The following FBXW10 variants were observed in gnomAD, a reference collection of about 807,000 sequenced individuals.
FBXW10 encodes the protein F-box/WD repeat-containing protein 10.
A neutral mutation model predicts 113.1 loss-of-function variants in FBXW10; 68 were observed. The observed-to-expected ratio is 0.60, with a 90% CI of 0.49 to 0.74. The LOEUF is 0.74. Among genes scored for constraint, FBXW10 ranks in the 30% least tolerant of loss-of-function variants. The probability of loss-of-function intolerance (pLI) is 0.00; values close to 1 mark genes in which losing one functional copy is unlikely to be tolerated. For synonymous variants in FBXW10, 289 were observed against 481.6 expected, an observed-to-expected ratio of 0.60 and a Z score of 5.24; for missense variants, 753 against 1,284.5, an observed-to-expected ratio of 0.59 and a Z score of 6.32.
chr17:18,750,040 G>A lies in FBXW10; in HGVS notation c.902G>A (p.Cys301Tyr). Reference protein sequence around the residue: ...RMLDRHTLNKCASVSQHWAAM... With the variant: ...RMLDRHTLNKYASVSQHWAAM... ...CTGGATAGACACACCCTGAACAAGTGCGCCTCTGTGAGCCAGCACTGGGCC... is the reference window on the plus strand; with the variant it reads ...CTGGATAGACACACCCTGAACAAGTACGCCTCTGTGAGCCAGCACTGGGCC... The change falls in exon 4 of 14, where the codon TGC (cysteine) becomes TAC (tyrosine). Residue 301 changes from cysteine to tyrosine, a missense_variant. Physicochemically the swap from Cys to Tyr is radical, Grantham distance 194 (BLOSUM62 -2). Coordinates refer to ENST00000395665, the MANE Select transcript of FBXW10 (RefSeq NM_001267585.2). The A allele has an allele frequency of 1.9e-6, 3 of 1,613,718 alleles. No individual in the cohort carries two copies. The highest frequency in any genetic ancestry group is 2.5e-6 in the Non-Finnish European group (3 of 1,179,958).
chr17:18,765,356 C>T (rs1159358071), intron 8 of FBXW10, among the ~76,000 whole-genome samples: 1 of 152,174 alleles, frequency 6.6e-6, no homozygotes, highest in Admixed American at 6.6e-5. Flanking sequence ...GGAAAGCATA[C>T]TTACATAGTT....
chr17:18,751,539 CTCT>C (rs1597589880), intron 5 of FBXW10, among the ~76,000 whole-genome samples: 1 of 152,120 alleles, frequency 6.6e-6, no homozygotes. Context: ...CCGACACTTC[CTCT>C]TCTTAAGCCT....
rs752721490 is a variant in FBXW10, at chr17:18,749,990, G to T, written c.872-20G>T. 6 of 1,613,938 alleles carry T rather than the reference G, an allele frequency of 3.7e-6. No homozygotes were observed. The highest frequency in any genetic ancestry group is 2.2e-5 in the East Asian group (1 of 44,870). ...CTTGGCCCAGTTCTGGGGTTTCTGGGTCCATCTTTTTTTTTCCAGGAATGC... is the reference window on the plus strand; with the variant it reads ...CTTGGCCCAGTTCTGGGGTTTCTGGTTCCATCTTTTTTTTTCCAGGAATGC... On this transcript the variant is annotated intron_variant, in intron 3 of 13. Coordinates refer to ENST00000395665, the MANE Select transcript of FBXW10 (RefSeq NM_001267585.2).
At chr17:18,775,026 T>C in intron 12 of FBXW10, 110 bp from the exon 13 acceptor site, 2 of 687,506 alleles carry the variant, frequency 2.9e-6, no homozygotes, top group Non-Finnish European at 5.1e-6. Context: ...GATAGTGATA[T>C]TTTGTATAAA....
Position 18,750,061 on chromosome 17 carries a change from G to A in FBXW10, c.923G>A (p.Trp308Ter), listed in dbSNP as rs1459510348. 2 of 1,613,540 alleles carry A rather than the reference G, an allele frequency of 1.2e-6. No individual in the cohort carries two copies. Among genetic ancestry groups the A allele is most frequent in the Non-Finnish European group, 8.5e-7 (1 of 1,179,884 alleles). Residue 308 changes from tryptophan (W) to a stop codon, truncating the protein, a stop_gained, in exon 4 of 14, where the codon TGG (tryptophan) becomes TAG (stop). Coordinates refer to ENST00000395665, the MANE Select transcript of FBXW10 (RefSeq NM_001267585.2). LOFTEE classifies it high-confidence loss of function. Reference sequence around the variant, plus strand: ...AAGTGCGCCTCTGTGAGCCAGCACTGGGCCGCCATGGCTCAACAGGTCAAG... The same window carrying A: ...AAGTGCGCCTCTGTGAGCCAGCACTAGGCCGCCATGGCTCAACAGGTCAAG... Reference protein sequence around the residue: ...LNKCASVSQHWAAMAQQVKMD... With the variant: ...LNKCASVSQH
rs761279662 is a variant in FBXW10, at chr17:18,749,782, A to C, written c.731A>C (p.Lys244Thr). Residue 244 changes from lysine (K) to threonine (T), a missense_variant, in exon 3 of 14, where the codon AAA becomes ACA. Physicochemically the swap from Lys to Thr is moderately conservative, Grantham distance 78. Coordinates refer to ENST00000395665, the MANE Select transcript of FBXW10 (RefSeq NM_001267585.2). ...ISEMNRLFSGKGDITKPGYDP... is the reference protein window; with the variant it reads ...ISEMNRLFSGTGDITKPGYDP... ...GAAATGAATAGGCTGTTTTCTGGAAAAGGAGACATAACCAAGCCAGGGTAC... is the reference window on the plus strand; with the variant it reads ...GAAATGAATAGGCTGTTTTCTGGAACAGGAGACATAACCAAGCCAGGGTAC... 5.0e-6 allele frequency: 8 copies of C among 1,614,106 alleles called. No individual in the cohort carries two copies. The East Asian group carries it at 1.6e-4, about 31-fold the overall frequency.
chr17:18,767,352 C>T (rs1468852693), intron 9 of FBXW10, among the ~76,000 whole-genome samples: 6 of 150,938 alleles, frequency 4.0e-5, no homozygotes, highest in Non-Finnish European at 5.9e-5. Context: ...TGGTGGTGGG[C>T]GCTTGTAACC....
Position 18,771,967 on chromosome 17 carries a change from C to T in FBXW10, c.2007-445C>T, listed in dbSNP as rs576378190. Among the ~76,000 whole-genome samples the T allele has an allele frequency of 4.9e-3, 750 of 152,060 alleles. 5 individuals are homozygous for T. The highest frequency in any genetic ancestry group is 0.017 in the African/African-American group (708 of 41,458). ...TACTAAAAACACAAAATGAGCTGGG[C>T]GTGGTGGTGCGTACCTGTAATCCCA... is the stretch of plus-strand genomic sequence containing the variant. On this transcript the variant is annotated intron_variant, in intron 11 of 13. Coordinates refer to ENST00000395665, the MANE Select transcript of FBXW10 (RefSeq NM_001267585.2).
At chr17:18,751,076 G>A (rs1459095066) in intron 5 of FBXW10, 23 bp downstream of exon 5, 1 of 1,613,486 alleles carries the variant, frequency 6.2e-7, no homozygotes, top group East Asian at 2.2e-5. Flanking sequence ...AGCATCTGGG[G>A]CAAGTAGCTG....
At chr17:18,761,415 G>A (rs1433936011) in intron 7 of FBXW10, among the ~76,000 whole-genome samples, 6 of 151,468 alleles carry the variant, frequency 4.0e-5, no homozygotes, top group Non-Finnish European at 8.8e-5. Flanking sequence ...ACAGGCACCC[G>A]CCACCACGCC....
At chr17:18,766,653 A>G (rs1361022846) in intron 8 of FBXW10, 61 bp from the exon 9 acceptor site, 2 of 1,569,908 alleles carry the variant, frequency 1.3e-6, no homozygotes, top group East Asian at 4.5e-5. Flanking sequence ...CTCCACTGTA[A>G]CCTTTCCTTT....
At chr17:18,747,719 C>T (rs1035826104) in intron 1 of FBXW10, among the ~76,000 whole-genome samples, 4 of 151,978 alleles carry the variant, frequency 2.6e-5, no homozygotes, top group African/African-American at 9.7e-5. Flanking sequence ...ATAAACAACT[C>T]GAGAAATTTT....
intron 8 of FBXW10, among the ~76,000 whole-genome samples, chr17:18,766,023 G>A (rs909431327): frequency 7.9e-5 from 12 of 151,866 alleles, no homozygotes; most frequent in Admixed American, 2.6e-4. Flanking sequence ...CACTGGGCCC[G>A]GCATTAACTT....
intron 7 of FBXW10, among the ~76,000 whole-genome samples, chr17:18,760,486 C>T (rs1190119452): frequency 6.6e-6 from 1 of 152,226 alleles, no homozygotes; most frequent in Non-Finnish European, 1.5e-5. Context: ...TTCATAGTAT[C>T]TACATGAATT....
intron 5 of FBXW10, among the ~76,000 whole-genome samples, chr17:18,754,650 T>G (rs2035226208): frequency 6.6e-6 from 1 of 151,394 alleles, no homozygotes; most frequent in African/African-American, 2.4e-5. Flanking sequence ...GCAGGGAATA[T>G]AAATGGAACT....
In FBXW10 at chr17:18,770,037, C is replaced by G. The variant is rs1404475141; in HGVS notation, c.1958C>G (p.Ala653Gly). Residue 653 changes from alanine to glycine, a missense_variant, in exon 11 of 14, where the codon GCC becomes GGC. Coordinates refer to ENST00000395665, the MANE Select transcript of FBXW10 (RefSeq NM_001267585.2). The part of the protein sequence containing the change: ...LNGNCMKVLK[A>G]NGRGDPVLSF... ...GGGAACTGTATGAAGGTGTTAAAAG[C>G]CAATGGCAGAGGTGATCCTGTGCTG... 2.8e-5 allele frequency: 46 copies of G among 1,614,082 alleles called. No individual in the cohort carries two copies. Among genetic ancestry groups the G allele is most frequent in the Non-Finnish European group, 3.8e-5 (45 of 1,180,054 alleles).
intron 7 of FBXW10, among the ~76,000 whole-genome samples, 200 bp downstream of exon 7, chr17:18,758,705 A>T (rs2035321684): frequency 7.0e-6 from 1 of 143,158 alleles, no homozygotes; most frequent in Non-Finnish European, 1.5e-5. Context: ...AGATGGATTT[A>T]TAACAGTTAT....
intron 5 of FBXW10, 36 bp from the exon 6 acceptor site, chr17:18,756,009 A>C (rs748415263): frequency 1.3e-6 from 2 of 1,596,398 alleles, no homozygotes; most frequent in African/African-American, 1.3e-5. Context: ...ATTTGAAGTT[A>C]CCACTGAGCT....
In FBXW10 at chr17:18,761,239, C is replaced by T. The variant is rs1015264942; in HGVS notation, c.1433+2734C>T. Among the ~76,000 whole-genome samples the T allele has an allele frequency of 3.3e-5, 5 of 150,958 alleles. No individual in the cohort carries two copies. The East Asian group carries it at 5.8e-4, about 18-fold the overall frequency. ...ATTTGGAGAATGTTTTAAAATGTGA[C>T]GGGGAGGGAAATTCTACTTTTCACT... On this transcript the variant is annotated intron_variant, in intron 7 of 13. Transcript: ENST00000395665.
Sources: gnomAD v4.1 joint callset for allele counts (sites outside exome capture counted in the v4.1 genomes callset) on GRCh38, gnomAD v4.1.1 for gene constraint, MANE v1.5 for transcripts, NCBI Gene and HGNC (gene_info 2026-07-23, HGNC 2026-07-21) for gene names.